Variants in ASTN2 observed in about 807,000 individuals in gnomAD.
The protein encoded by ASTN2 is astrotactin 2.
Under a neutral mutation model 139.8 loss-of-function variants are expected in ASTN2, and 54 were observed. That is an observed-to-expected ratio of 0.39 (90% CI 0.31 to 0.48). The LOEUF (loss-of-function observed/expected upper bound fraction) is 0.48, where lower values mean the gene tolerates loss of function less well. Among genes scored for constraint, ASTN2 ranks in the 20% least tolerant of loss-of-function variants. ASTN2 has a pLI of 0.95. For synonymous variants in ASTN2, 756 were observed against 719.5 expected, an observed-to-expected ratio of 1.05 and a Z score of -0.81; for missense variants, 1,565 against 1,725.1, an observed-to-expected ratio of 0.91 and a Z score of 1.64.
intron 3 of ASTN2, among the ~76,000 whole-genome samples, chr9:117,179,707 C>T (rs1831008727): frequency 6.6e-6 from 1 of 152,122 alleles, no homozygotes; most frequent in South Asian, 2.1e-4. Context: ...TTGCTGTACT[C>T]CAGGACTGCT....
Position 116,885,717 on chromosome 9 carries a change from T to C in ASTN2, c.1890-21984A>G, listed in dbSNP as rs9987668. 2.6e-3 allele frequency among the ~76,000 whole-genome samples: 397 copies of C among 152,246 alleles called. 4 individuals carry two copies. Among genetic ancestry groups the C allele is most frequent in the Non-Finnish European group, 4.4e-3 (299 of 68,016 alleles). On this transcript the variant is annotated intron_variant, in intron 10 of 22. Coordinates refer to ENST00000313400, the MANE Select transcript of ASTN2 (RefSeq NM_001365068.1). ...CAAAAAAAAACCTCTTATCTCTAAA[T>C]AGTCACTTTCTGAGGTACTAGGGGT...
At chr9:116,687,196 G>C (rs1360391039) in intron 16 of ASTN2, 1 of 1,018,732 alleles carries the variant, frequency 9.8e-7, no homozygotes, top group Non-Finnish European at 1.2e-6. Context: ...CTGCAGGGCC[G>C]CCTTGCCCCG....
chr9:116,551,271 G>A (rs1328838969), intron 19 of ASTN2, among the ~76,000 whole-genome samples: 4 of 152,170 alleles, frequency 2.6e-5, no homozygotes, highest in African/African-American at 7.2e-5. Flanking sequence ...GCTTTAGCCT[G>A]TTCCCTAATC....
In ASTN2 at chr9:116,461,033, T is replaced by G. The variant is rs900926969; in HGVS notation, c.3498-18480A>C. 2.6e-4 allele frequency among the ~76,000 whole-genome samples: 39 copies of G among 152,174 alleles called. No homozygotes were observed. The South Asian group carries it at 7.3e-3, about 28-fold the overall frequency. On this transcript the variant is annotated intron_variant, in intron 20 of 22. Coordinates refer to ENST00000313400, the MANE Select transcript of ASTN2 (RefSeq NM_001365068.1). Reference sequence around the variant, plus strand: ...AATTCACCTTGAACCTCTGGCATGTTCCCAATAATGTGCACATCCTCCTCT... The same window carrying G: ...AATTCACCTTGAACCTCTGGCATGTGCCCAATAATGTGCACATCCTCCTCT...
chr9:116,488,990 C>T (rs1849425107), intron 19 of ASTN2, among the ~76,000 whole-genome samples: 1 of 152,136 alleles, frequency 6.6e-6, no homozygotes, highest in Non-Finnish European at 1.5e-5. Context: ...TATTTTTATA[C>T]CGCACAGTAT....
chr9:117,029,377 A>G (rs1838184686), intron 6 of ASTN2, among the ~76,000 whole-genome samples: 6 of 152,150 alleles, frequency 3.9e-5, no homozygotes, highest in Admixed American at 2.0e-4. Flanking sequence ...GCCTGCAATC[A>G]TCCATTGCCC....
intron 17 of ASTN2, among the ~76,000 whole-genome samples, chr9:116,642,997 G>A (rs952431729): frequency 1.3e-5 from 2 of 152,108 alleles, no homozygotes; most frequent in Non-Finnish European, 2.9e-5. Flanking sequence ...GACATTCTGG[G>A]TTTGAATTCT....
At chr9:116,962,575 G>A (rs568329622) in intron 10 of ASTN2, among the ~76,000 whole-genome samples, 2 of 152,278 alleles carry the variant, frequency 1.3e-5, no homozygotes, top group East Asian at 3.9e-4. Context: ...ATTTCTTAAA[G>A]ATTTATGACA....
chr9:116,903,277 C>T (rs1834067595), intron 10 of ASTN2, among the ~76,000 whole-genome samples: 2 of 152,118 alleles, frequency 1.3e-5, no homozygotes. Flanking sequence ...TATAATTTAC[C>T]TGTTTATCAT....
intron 10 of ASTN2, among the ~76,000 whole-genome samples, chr9:116,885,124 G>T (rs1833562024): frequency 6.6e-6 from 1 of 152,094 alleles, no homozygotes; most frequent in African/African-American, 2.4e-5. Context: ...TGGAAAGGGT[G>T]TGTGTATGGT....
chr9:116,485,600 T>G (rs1049709423), intron 20 of ASTN2, among the ~76,000 whole-genome samples: 12 of 152,138 alleles, frequency 7.9e-5, no homozygotes, highest in African/African-American at 2.7e-4. Flanking sequence ...GTCCCACCAC[T>G]CACCATGAGG....
chr9:117,216,859 C>T (rs1350373758), intron 2 of ASTN2, among the ~76,000 whole-genome samples: 1 of 152,178 alleles, frequency 6.6e-6, no homozygotes, highest in African/African-American at 2.4e-5. Context: ...GGCTGACCCT[C>T]TCCTTAACAC....
In ASTN2 at chr9:116,609,296, ATCTCTCTCTC is replaced by A. The variant is rs34856740; in HGVS notation, c.3355+9018_3355+9027del. Among the ~76,000 whole-genome samples the A allele has an allele frequency of 5.6e-5, 7 of 124,024 alleles. No homozygotes were observed. The East Asian group carries it at 6.9e-4, about 12-fold the overall frequency. 81.4% of individuals were successfully genotyped at this position (124,024 alleles called of 152,430 possible). A position where few individuals can be genotyped will look rare whatever the true frequency, so the allele number is the denominator to read the frequency against. On this transcript the variant is annotated intron_variant, in intron 19 of 22. Transcript: ENST00000313400. ...AGCTTAGAATCAGTCAGAAAAAAGGATCTCTCTCTCTCTCTCTCTCTCTCTCTCTCTCTAT... is the reference window on the plus strand; with the variant it reads ...AGCTTAGAATCAGTCAGAAAAAAGGATCTCTCTCTCTCTCTCTCTCTCTAT...
At chr9:117,035,340 T>C (rs146889151) in intron 6 of ASTN2, among the ~76,000 whole-genome samples, 224 of 152,270 alleles carry the variant, frequency 1.5e-3, no homozygotes, top group African/African-American at 5.1e-3. Flanking sequence ...TAAAATATCA[T>C]AGAATTGTGC....
At chr9:117,207,326 G>A (rs1394538146) in intron 3 of ASTN2, among the ~76,000 whole-genome samples, 5 of 152,224 alleles carry the variant, frequency 3.3e-5, no homozygotes, top group South Asian at 4.1e-4. Context: ...CAGTTATATC[G>A]TGGGCCTGAC....
intron 1 of ASTN2, among the ~76,000 whole-genome samples, chr9:117,411,685 TCTGGTCCCAGGACCCA>T (rs1831165351): frequency 1.3e-5 from 2 of 152,150 alleles, no homozygotes; most frequent in Non-Finnish European, 2.9e-5. Flanking sequence ...CACCACTAAT[TCTGGTCCCAGGACCCA>T]AAGTGACCAG....
intron 7 of ASTN2, among the ~76,000 whole-genome samples, chr9:116,999,513 TTTTCTTTCTTTCCTC>T (rs1283067453): frequency 2.6e-5 from 4 of 151,634 alleles, no homozygotes; most frequent in South Asian, 2.1e-4. Context: ...TTAGTAATTA[TTTTCTTTCTTTCCTC>T]TTTCTTTCTT....
intron 1 of ASTN2, among the ~76,000 whole-genome samples, chr9:117,323,305 A>T (rs1426397340): frequency 6.6e-6 from 1 of 152,006 alleles, no homozygotes; most frequent in African/African-American, 2.4e-5. Flanking sequence ...CTCATTCTCA[A>T]ATATAAACTG....
chr9:116,698,523 G>T lies in ASTN2; in HGVS notation c.2806+27248C>A. ...ACTACTGGAGGAGACAGCTGATGAG[G>T]AGGAGCCAGAGCTCACTGCCAGCTT... On this transcript the variant is annotated intron_variant, in intron 16 of 22. Coordinates refer to ENST00000313400, the MANE Select transcript of ASTN2 (RefSeq NM_001365068.1). This position sits in a 1 kb window ranked among gnomAD's most constrained non-coding sequence, Gnocchi z 4.4. 6.2e-7 allele frequency: 1 copy of T among 1,613,778 alleles called. No individual in the cohort carries two copies. The highest frequency in any genetic ancestry group is 8.5e-7 in the Non-Finnish European group (1 of 1,180,022).
Sources: allele counts gnomAD v4.1 joint callset (sites outside exome capture counted in the v4.1 genomes callset), GRCh38; gene constraint gnomAD v4.1.1; non-coding constraint Gnocchi (gnomAD v3.1); transcripts MANE v1.5; gene names NCBI Gene and HGNC (gene_info 2026-07-23, HGNC 2026-07-21).